NRG3: variants seen among roughly 807,000 people sequenced by gnomAD.
The protein encoded by NRG3 is pro-neuregulin-3, membrane-bound isoform.
NRG3 carries 31 observed loss-of-function variants against 66.9 expected under a neutral mutation model. That is an observed-to-expected ratio of 0.46 (90% CI 0.35 to 0.63). The LOEUF is 0.63. Ranked by LOEUF, NRG3 falls within the 20% of genes least tolerant of loss-of-function variation. The pLI is 0.00. For missense variants in NRG3, 910 were observed against 878.9 expected (o/e 1.04, Z -0.45); for synonymous variants, 393 against 359.4 (o/e 1.09, Z -1.06).
intron 1 of NRG3, among the ~76,000 whole-genome samples, chr10:81,985,831 G>A (rs1230786144): frequency 6.6e-6 from 1 of 152,138 alleles, no homozygotes; most frequent in Non-Finnish European, 1.5e-5. Flanking sequence ...TTTGATAAAG[G>A]AAAATAACAT....
intron 2 of NRG3, among the ~76,000 whole-genome samples, chr10:82,367,732 C>T (rs2084634163): frequency 6.6e-6 from 1 of 152,222 alleles, no homozygotes; most frequent in African/African-American, 2.4e-5. Flanking sequence ...TGGTGGCTCA[C>T]GCTTGTAATC....
chr10:82,903,848 A>C (rs1844467124), intron 4 of NRG3, among the ~76,000 whole-genome samples: 1 of 152,106 alleles, frequency 6.6e-6, no homozygotes, highest in Non-Finnish European at 1.5e-5. Context: ...CAGATTCCCT[A>C]TAACTTCCAC....
chr10:82,338,724 C>T (rs888434691), intron 1 of NRG3, among the ~76,000 whole-genome samples: 2 of 152,072 alleles, frequency 1.3e-5, no homozygotes, highest in African/African-American at 4.8e-5. Context: ...TGTGAAAATC[C>T]CACTACCACA....
intron 4 of NRG3, among the ~76,000 whole-genome samples, chr10:82,930,522 G>A (rs2132153765): frequency 6.6e-6 from 1 of 152,172 alleles, no homozygotes; most frequent in African/African-American, 2.4e-5. Context: ...GCCTTAACTG[G>A]GTCCCCAAGA....
intron 1 of NRG3, among the ~76,000 whole-genome samples, chr10:82,064,505 A>C (rs897797516): frequency 6.6e-6 from 1 of 152,130 alleles, no homozygotes; most frequent in Non-Finnish European, 1.5e-5. Context: ...AAAATGACTT[A>C]TACGCGTTGA....
intron 1 of NRG3, among the ~76,000 whole-genome samples, chr10:82,233,226 A>T (rs981173847): frequency 6.6e-6 from 1 of 152,176 alleles, no homozygotes; most frequent in Non-Finnish European, 1.5e-5. Flanking sequence ...TTAGCCGGGC[A>T]TGGTGGTAGG....
At chr10:82,215,747 A>G (rs2075630901) in intron 1 of NRG3, among the ~76,000 whole-genome samples, 1 of 152,134 alleles carries the variant, frequency 6.6e-6, no homozygotes, top group Non-Finnish European at 1.5e-5. Flanking sequence ...TACATTTACA[A>G]AATTTGATAT....
intron 3 of NRG3, among the ~76,000 whole-genome samples, chr10:82,816,981 A>C (rs1343281041): frequency 6.6e-6 from 1 of 152,256 alleles, no homozygotes; most frequent in Non-Finnish European, 1.5e-5. Flanking sequence ...CTCTACTAGA[A>C]AGTAACAAAG....
chr10:82,909,521 C>T (rs1270387484), intron 4 of NRG3, among the ~76,000 whole-genome samples: 1 of 152,142 alleles, frequency 6.6e-6, no homozygotes, highest in African/African-American at 2.4e-5. Context: ...AAAAGACCCT[C>T]CAAGTACCAT....
intron 2 of NRG3, among the ~76,000 whole-genome samples, chr10:82,400,359 C>T (rs543912033): frequency 5.8e-4 from 88 of 152,162 alleles, no homozygotes; most frequent in Non-Finnish European, 1.2e-3. Context: ...TGAATGGTTC[C>T]TAAGAACTGT....
Position 82,326,286 on chromosome 10 carries a change from T to G in NRG3, c.824-32453T>G, listed in dbSNP as rs560999023. Among the ~76,000 whole-genome samples, 12 of 152,326 alleles carry G rather than the reference T, an allele frequency of 7.9e-5. No homozygotes were observed. In the South Asian group the frequency reaches 1.0e-3, roughly 13 times the overall value. On this transcript the variant is annotated intron_variant, in intron 1 of 8. Transcript: ENST00000372141. ...GTTATCATTACCTTTGTTTTCTGTATAATGCAGCTTTTTCTGTTGGTCACT... is the reference window on the plus strand; with the variant it reads ...GTTATCATTACCTTTGTTTTCTGTAGAATGCAGCTTTTTCTGTTGGTCACT...
intron 6 of NRG3, among the ~76,000 whole-genome samples, chr10:82,972,379 C>T (rs997771969): frequency 5.3e-5 from 8 of 152,048 alleles, no homozygotes; most frequent in Admixed American, 1.3e-4. Flanking sequence ...TCAATATCTT[C>T]CAGCCATGTT....
At chr10:82,000,059 A>G (rs2061101722) in intron 1 of NRG3, among the ~76,000 whole-genome samples, 1 of 152,222 alleles carries the variant, frequency 6.6e-6, no homozygotes, top group African/African-American at 2.4e-5. Flanking sequence ...ATTGGTAAGG[A>G]AGATGCTGGA....
chr10:82,489,280 G>T (rs1842917554), intron 2 of NRG3, among the ~76,000 whole-genome samples: 2 of 152,136 alleles, frequency 1.3e-5, no homozygotes, highest in Non-Finnish European at 2.9e-5. Context: ...CATGTTCTTA[G>T]AGATATATGG....
chr10:82,789,420 A>G (rs1393778652), intron 3 of NRG3, among the ~76,000 whole-genome samples: 1 of 152,024 alleles, frequency 6.6e-6, no homozygotes, highest in Non-Finnish European at 1.5e-5. Flanking sequence ...AAATTTGCAA[A>G]TATTTTATCT....
intron 4 of NRG3, among the ~76,000 whole-genome samples, chr10:82,912,921 G>C (rs940245735): frequency 3.3e-5 from 5 of 152,078 alleles, no homozygotes; most frequent in Non-Finnish European, 7.4e-5. Context: ...GACTAGTATA[G>C]ATAACTTATA....
At chr10:81,997,142 G>T (rs1208255297) in intron 1 of NRG3, among the ~76,000 whole-genome samples, 3 of 152,118 alleles carry the variant, frequency 2.0e-5, no homozygotes, top group Non-Finnish European at 4.4e-5. Context: ...TCTGCTAAGA[G>T]ACCTTCTGGG....
intron 8 of NRG3, among the ~76,000 whole-genome samples, chr10:82,982,248 C>T: frequency 6.6e-6 from 1 of 152,194 alleles, no homozygotes; most frequent in Non-Finnish European, 1.5e-5. Flanking sequence ...TAGAGAAACA[C>T]AAATTCCTTA....
chr10:81,941,530 G>A (rs1450365885), intron 1 of NRG3, among the ~76,000 whole-genome samples: 1 of 152,112 alleles, frequency 6.6e-6, no homozygotes, highest in Non-Finnish European at 1.5e-5. Context: ...TGGAGGAATG[G>A]AATAAAAATT....
Sources: gnomAD v4.1 joint callset for allele counts (sites outside exome capture counted in the v4.1 genomes callset) on GRCh38, gnomAD v4.1.1 for gene constraint, MANE v1.5 for transcripts, NCBI Gene and HGNC (gene_info 2026-07-23, HGNC 2026-07-21) for gene names.